Variants in ANK3 observed in about 807,000 individuals in gnomAD.
The protein encoded by ANK3 is ankyrin 3, also known as ankyrin-3.
ANK3 carries 57 observed loss-of-function variants against 370.9 expected under a neutral mutation model. That is an observed-to-expected ratio of 0.15 (90% CI 0.12 to 0.19). The LOEUF is 0.19. Ranked by LOEUF, ANK3 falls within the 10% of genes least tolerant of loss-of-function variation. The pLI, the probability that ANK3 is intolerant of heterozygous loss-of-function variation, is 1.00. For synonymous variants in ANK3, 1,929 were observed against 1,946.3 expected (o/e 0.99, Z 0.23); for missense variants, 4,439 against 5,302.1 (o/e 0.84, Z 5.06).
intron 23 of ANK3, among the ~76,000 whole-genome samples, chr10:60,159,565 A>AC (rs2095441241): frequency 6.6e-6 from 1 of 152,122 alleles, no homozygotes; most frequent in Admixed American, 6.6e-5. Flanking sequence ...AGACCAAATG[A>AC]CCCTAATAGA....
chr10:60,361,633 T>C (rs973552134), intron 1 of ANK3, among the ~76,000 whole-genome samples: 2 of 152,212 alleles, frequency 1.3e-5, no homozygotes, highest in Non-Finnish European at 2.9e-5. Context: ...AGGGATATCA[T>C]TCATTGTAGT....
At position 60,612,113 on chromosome 10, in the gene ANK3, T is replaced by G. The variant is rs572439214; in HGVS notation, c.96+3073A>C. 2.0e-5 allele frequency among the ~76,000 whole-genome samples: 3 copies of G among 152,216 alleles called. No homozygotes were observed. In the South Asian group the frequency reaches 6.2e-4, roughly 32 times the overall value. On this transcript the variant is annotated intron_variant, in intron 2 of 43. Coordinates refer to the ANK3 transcript ENST00000373827. ...CAATAACAGAGATTCTGAAAAAGGA[T>G]TCTGCATTTTCCGCAGAGGCCCCAG...
chr10:60,633,540 A>T (rs905160493), intron 1 of ANK3, among the ~76,000 whole-genome samples: 1 of 152,226 alleles, frequency 6.6e-6, no homozygotes, highest in Non-Finnish European at 1.5e-5. Flanking sequence ...GAACATATAT[A>T]TTTAAGGAAA....
At chr10:60,683,623 A>T (rs948247847) in intron 1 of ANK3, among the ~76,000 whole-genome samples, 1 of 152,236 alleles carries the variant, frequency 6.6e-6, no homozygotes, top group Non-Finnish European at 1.5e-5. Context: ...ATTTATAGAC[A>T]GCAAAATCCA....
intron 42 of ANK3, among the ~76,000 whole-genome samples, chr10:60,050,262 A>C (rs886935091): frequency 2.0e-5 from 3 of 152,214 alleles, no homozygotes; most frequent in African/African-American, 7.2e-5. Flanking sequence ...TTTTCAAAGA[A>C]GTGATTCATG....
intron 1 of ANK3, among the ~76,000 whole-genome samples, chr10:60,695,918 A>C (rs1397347500): frequency 6.6e-6 from 1 of 151,380 alleles, no homozygotes; most frequent in Non-Finnish European, 1.5e-5. Context: ...GAACTGAAGG[A>C]AATAGAGACA....
chr10:60,694,748 C>T (rs1168318177), intron 1 of ANK3, among the ~76,000 whole-genome samples: 68 of 151,748 alleles, frequency 4.5e-4, no homozygotes, highest in Admixed American at 1.4e-3. Context: ...CCGAAGGAAG[C>T]GCTAAACATG....
chr10:60,376,186 A>C (rs2060749760), intron 1 of ANK3, among the ~76,000 whole-genome samples: 1 of 152,114 alleles, frequency 6.6e-6, no homozygotes, highest in South Asian at 2.1e-4. Flanking sequence ...GGCCTCCAAA[A>C]ATCTGTTTTC....
intron 1 of ANK3, among the ~76,000 whole-genome samples, chr10:60,627,032 A>T (rs2078420868): frequency 6.6e-6 from 1 of 152,102 alleles, no homozygotes; most frequent in African/African-American, 2.4e-5. Context: ...GGGATTTGCC[A>T]TATTTAGGGA....
chr10:60,147,300 G>A (rs901940847), intron 23 of ANK3, among the ~76,000 whole-genome samples: 3 of 152,198 alleles, frequency 2.0e-5, no homozygotes, highest in Non-Finnish European at 2.9e-5. Context: ...TGACAGTCCC[G>A]TGCTCAAGGT....
chr10:60,223,255 C>T (rs529834916), intron 8 of ANK3, among the ~76,000 whole-genome samples: 3 of 152,200 alleles, frequency 2.0e-5, no homozygotes, highest in Middle Eastern at 3.2e-3. Flanking sequence ...AGTGCCCCTA[C>T]CCTTGACATT....
intron 27 of ANK3, chr10:60,108,166 A>G: frequency 2.3e-6 from 1 of 437,082 alleles, no homozygotes; most frequent in Non-Finnish European, 4.6e-6. Flanking sequence ...GACATTCTGT[A>G]TCTTGTCTAT....
At chr10:60,374,214 G>A (rs1314358958) in intron 1 of ANK3, among the ~76,000 whole-genome samples, 1 of 151,994 alleles carries the variant, frequency 6.6e-6, no homozygotes, top group Non-Finnish European at 1.5e-5. Context: ...ACAAGGAAAG[G>A]GGATCCGGCG....
At chr10:60,370,386 A>T (rs1358363411) in intron 1 of ANK3, among the ~76,000 whole-genome samples, 3 of 152,208 alleles carry the variant, frequency 2.0e-5, no homozygotes, top group Non-Finnish European at 4.4e-5. Context: ...CTTACTGTGG[A>T]TGATTTTCTT....
chr10:60,667,194 T>C (rs200905245), intron 1 of ANK3, among the ~76,000 whole-genome samples: 24 of 20,840 alleles, frequency 1.2e-3, no homozygotes, highest in South Asian at 5.2e-3. Context: ...CATATTATAT[T>C]ATATTATATT....
intron 1 of ANK3, among the ~76,000 whole-genome samples, chr10:60,724,413 T>C (rs1418424087): frequency 6.6e-6 from 1 of 151,974 alleles, no homozygotes; most frequent in Non-Finnish European, 1.5e-5. Context: ...TAGAATGTGA[T>C]ATATTTGCCC....
Position 60,492,737 on chromosome 10 carries a change from G to GAAAGAAAGA in ANK3, c.96+122448_96+122449insTCTTTCTTT, listed in dbSNP as rs1567089051. ...AAAAAAAAAAAAAGAAAGAAAGAAAGAAAAAAAAAAGAAATGGCACTGCGT... is the reference window on the plus strand; with the variant it reads ...AAAAAAAAAAAAAGAAAGAAAGAAAGAAAGAAAGAAAAAAAAAAAGAAATGGCACTGCGT... On this transcript the variant is annotated intron_variant, in intron 2 of 43. Transcript: ENST00000373827. 3.2e-4 allele frequency among the ~76,000 whole-genome samples: 36 copies of GAAAGAAAGA among 112,804 alleles called. 1 individual carries two copies. The highest frequency in any genetic ancestry group is 6.4e-4 in the Non-Finnish European group (34 of 52,886). The allele number at this position is 112,804 out of a possible 152,430, so 74.0% of individuals were successfully genotyped here.
At chr10:60,116,966 G>C (rs774098937) in intron 25 of ANK3, among the ~76,000 whole-genome samples, 14 of 152,124 alleles carry the variant, frequency 9.2e-5, no homozygotes, top group African/African-American at 3.4e-4. Context: ...TATAAACATG[G>C]AGAGAAAAAA....
At chr10:60,696,921 G>T (rs1414050741) in intron 1 of ANK3, among the ~76,000 whole-genome samples, 1 of 143,258 alleles carries the variant, frequency 7.0e-6, no homozygotes, top group Non-Finnish European at 1.5e-5. Context: ...GGCAGGAGAA[G>T]GAAATAAAGG....
Sources: gnomAD v4.1 joint callset for allele counts (sites outside exome capture counted in the v4.1 genomes callset) on GRCh38, gnomAD v4.1.1 for gene constraint, MANE v1.5 for transcripts, NCBI Gene and HGNC (gene_info 2026-07-23, HGNC 2026-07-21) for gene names.